The following CPED1 variants were observed in gnomAD, a reference collection of about 807,000 sequenced individuals.
The protein encoded by CPED1 is cadherin like and PC-esterase domain containing 1.
CPED1 carries 114 observed loss-of-function variants against 128.2 expected under a neutral mutation model. That is an observed-to-expected ratio of 0.89 (90% CI 0.76 to 1.04). CPED1 has a LOEUF of 1.04. Among genes scored for constraint, CPED1 ranks in the 50% least tolerant of loss-of-function variants. CPED1 has a pLI of 0.00. For synonymous variants in CPED1, 462 were observed against 426.7 expected (o/e 1.08, Z -1.02); for missense variants, 1,211 against 1,207.1 (o/e 1.00, Z -0.05).
chr7:121,071,754 C>A (rs1453906698), intron 5 of CPED1, among the ~76,000 whole-genome samples: 2 of 152,048 alleles, frequency 1.3e-5, no homozygotes, highest in Non-Finnish European at 2.9e-5. Flanking sequence ...TGCAATCATT[C>A]TTGTCAGTTT....
At chr7:121,108,349 A>G (rs530581191) in intron 7 of CPED1, among the ~76,000 whole-genome samples, 2 of 152,266 alleles carry the variant, frequency 1.3e-5, no homozygotes, top group Admixed American at 1.3e-4. Context: ...ATTATTTGGA[A>G]TGATTTCAGC....
chr7:121,291,153 T>C (rs1173589973), intron 22 of CPED1, among the ~76,000 whole-genome samples: 2 of 152,242 alleles, frequency 1.3e-5, no homozygotes. Flanking sequence ...CTCTGTTCCA[T>C]TGGTCTATGT....
intron 16 of CPED1, among the ~76,000 whole-genome samples, chr7:121,165,789 T>G (rs941895025): frequency 1.3e-5 from 2 of 152,172 alleles, no homozygotes; most frequent in Non-Finnish European, 2.9e-5. Flanking sequence ...AAAGACAATA[T>G]ATTTTAAGAT....
At chr7:121,283,635 T>C (rs1236527545) in intron 22 of CPED1, among the ~76,000 whole-genome samples, 1 of 152,200 alleles carries the variant, frequency 6.6e-6, no homozygotes, top group African/African-American at 2.4e-5. Flanking sequence ...TCTGTGTAAG[T>C]ATGATAGGTC....
At chr7:121,098,810 AAAT>A (rs1794768024) in intron 6 of CPED1, among the ~76,000 whole-genome samples, 2 of 142,396 alleles carry the variant, frequency 1.4e-5, no homozygotes, top group Non-Finnish European at 3.0e-5. Flanking sequence ...ATAAATATAT[AAAT>A]AATATATATA....
intron 4 of CPED1, chr7:121,051,317 C>T (rs1793346358): frequency 2.2e-6 from 1 of 452,634 alleles, no homozygotes; most frequent in Non-Finnish European, 4.2e-6. Context: ...GCTCTAGAAA[C>T]ATTTTTAAGA....
intron 3 of CPED1, 32 bp from the exon 4 acceptor site, chr7:121,046,855 C>T: frequency 7.2e-7 from 1 of 1,391,568 alleles, no homozygotes; most frequent in Non-Finnish European, 1.0e-6. Context: ...CTGATGAAAA[C>T]TTATTTGTTT....
rs146684195 is a variant in CPED1 at position 121,010,660 on chromosome 7, C to G, written c.250-5005C>G. Among the ~76,000 whole-genome samples, 89 of 152,200 alleles carry G rather than the reference C, an allele frequency of 5.8e-4. 1 individual carries two copies. Among genetic ancestry groups the G allele is most frequent in the African/African-American group, 2.0e-3 (84 of 41,520 alleles). On this transcript the variant is annotated intron_variant, in intron 2 of 22. Coordinates refer to ENST00000310396, the MANE Select transcript of CPED1 (RefSeq NM_024913.5). The stretch of plus-strand genomic sequence containing the variant: ...ATTAGATGTTGAAGGTTGGGATAGC[C>G]CCAAAGTACGGTTTGGGAGTACAGT...
chr7:121,014,559 A>AT (rs1792251036), intron 2 of CPED1, among the ~76,000 whole-genome samples: 1 of 148,238 alleles, frequency 6.7e-6, no homozygotes, highest in African/African-American at 2.5e-5. Flanking sequence ...CAAAAAAAAA[A>AT]AATAATAATA....
intron 4 of CPED1, chr7:121,051,298 T>A (rs1793345570): frequency 4.3e-6 from 2 of 466,014 alleles, no homozygotes; most frequent in Non-Finnish European, 8.2e-6. Context: ...AAATGCAAGT[T>A]TTTTAGTAGC....
chr7:121,115,789 G>C (rs572854379), intron 7 of CPED1, among the ~76,000 whole-genome samples: 55 of 152,238 alleles, frequency 3.6e-4, no homozygotes, highest in Admixed American at 2.7e-3. Context: ...AAGAAGGCTT[G>C]GTTTTAACTT....
At chr7:120,993,686 A>C (rs1177861822) in intron 2 of CPED1, among the ~76,000 whole-genome samples, 1 of 152,224 alleles carries the variant, frequency 6.6e-6, no homozygotes, top group Non-Finnish European at 1.5e-5. Flanking sequence ...TTGTTGGAGA[A>C]TGCAATCCCA....
chr7:121,156,900 G>A (rs1029372857), intron 16 of CPED1, among the ~76,000 whole-genome samples: 4 of 152,140 alleles, frequency 2.6e-5, no homozygotes, highest in Non-Finnish European at 5.9e-5. Context: ...CCCATAAAAA[G>A]TGCCACCACT....
chr7:121,061,255 T>G, intron 4 of CPED1: 2 of 854,822 alleles, frequency 2.3e-6, no homozygotes, highest in Non-Finnish European at 2.8e-6. Flanking sequence ...TTTCAAAAAT[T>G]GATCTCATGG....
At chr7:121,191,757 A>C (rs1797146025) in intron 16 of CPED1, among the ~76,000 whole-genome samples, 1 of 152,112 alleles carries the variant, frequency 6.6e-6, no homozygotes, top group Admixed American at 6.6e-5. Context: ...CATCACAGAA[A>C]TTGAGAAAGA....
intron 14 of CPED1, among the ~76,000 whole-genome samples, chr7:121,139,577 C>A (rs1249313689): frequency 1.3e-5 from 2 of 151,698 alleles, no homozygotes. Flanking sequence ...AAAGACTGGG[C>A]AAAATGGGCA....
At chr7:121,151,721 A>G (rs929960507) in intron 16 of CPED1, among the ~76,000 whole-genome samples, 1 of 152,234 alleles carries the variant, frequency 6.6e-6, no homozygotes, top group African/African-American at 2.4e-5. Flanking sequence ...ATTGAACAGT[A>G]TATCATTTGG....
intron 7 of CPED1, among the ~76,000 whole-genome samples, chr7:121,119,748 T>A (rs570324395): frequency 1.6e-4 from 25 of 152,162 alleles, no homozygotes; most frequent in African/African-American, 6.0e-4. Flanking sequence ...GTTAAGTATT[T>A]TTACACTACT....
intron 5 of CPED1, among the ~76,000 whole-genome samples, chr7:121,073,499 A>C (rs1464372050): frequency 6.6e-6 from 1 of 152,214 alleles, no homozygotes; most frequent in African/African-American, 2.4e-5. Flanking sequence ...ATGTTTCTAC[A>C]TAACACCAGT....
Sources: allele counts gnomAD v4.1 joint callset (sites outside exome capture counted in the v4.1 genomes callset), GRCh38; gene constraint gnomAD v4.1.1; transcripts MANE v1.5; gene names NCBI Gene and HGNC (gene_info 2026-07-23, HGNC 2026-07-21).